MRPS27: variants seen among roughly 807,000 people sequenced by gnomAD.
The protein encoded by MRPS27 is small ribosomal subunit protein mS27.
MRPS27 carries 43 observed loss-of-function variants against 48.9 expected under a neutral mutation model. The ratio of observed to expected loss-of-function variants is 0.88; its 90% CI spans 0.69 to 1.13. The LOEUF is 1.13. Among genes scored for constraint, MRPS27 ranks in the 50% most tolerant of loss-of-function variants. The pLI is 0.00. For synonymous variants in MRPS27, 188 were observed against 171.9 expected (o/e 1.09, Z -0.73); for missense variants, 467 against 476.3 (o/e 0.98, Z 0.18).
At chr5:72,260,329 T>G (rs1052188999) in intron 4 of MRPS27, among the ~76,000 whole-genome samples, 2 of 152,242 alleles carry the variant, frequency 1.3e-5, no homozygotes, top group African/African-American at 4.8e-5. Flanking sequence ...CTGGAATTTA[T>G]TCTGATGAAG....
chr5:72,307,959 G>A (rs952149931), intron 2 of MRPS27: 1 of 152,280 alleles, frequency 6.6e-6, no homozygotes, highest in East Asian at 1.9e-4. Context: ...CACTGAGAAA[G>A]CTTTTTGGGC....
At chr5:72,221,186 G>C in intron 10 of MRPS27, 38 bp from the exon 11 acceptor site, 1 of 1,600,832 alleles carries the variant, frequency 6.2e-7, no homozygotes, top group Non-Finnish European at 8.5e-7. Context: ...AAGAAAGGTA[G>C]AGAAGTGAGA....
chr5:72,255,024 C>CTT (rs1279261279), intron 4 of MRPS27, among the ~76,000 whole-genome samples: 1 of 91,868 alleles, frequency 1.1e-5, no homozygotes, highest in Non-Finnish European at 2.3e-5. Context: ...TAACACATTT[C>CTT]TTTTCTTTTT....
At chr5:72,225,879 GC>G (rs906411421) in intron 9 of MRPS27, among the ~76,000 whole-genome samples, 177 bp downstream of exon 9, 9 of 150,634 alleles carry the variant, frequency 6.0e-5, no homozygotes, top group African/African-American at 2.2e-4. Flanking sequence ...ATTTTCTAGT[GC>G]CTTTGGTCAG....
At chr5:72,221,380 A>C (rs1401129953) in intron 10 of MRPS27, among the ~76,000 whole-genome samples, 2 of 152,208 alleles carry the variant, frequency 1.3e-5, no homozygotes, top group African/African-American at 4.8e-5. Flanking sequence ...CCTTTCATTC[A>C]GGTGCTGTTA....
chr5:72,222,465 A>C (rs1405473853), intron 10 of MRPS27: 1 of 152,208 alleles, frequency 6.6e-6, no homozygotes, highest in Non-Finnish European at 1.5e-5. Flanking sequence ...TAAAATTTTC[A>C]TAAAAATACA....
intron 8 of MRPS27, chr5:72,227,592 A>T (rs1370725445): frequency 6.6e-6 from 1 of 152,214 alleles, no homozygotes; most frequent in Non-Finnish European, 1.5e-5. Context: ...AATAACATAA[A>T]TTTAATAAAC....
chr5:72,272,279 G>A (rs1372702336), intron 4 of MRPS27, among the ~76,000 whole-genome samples: 1 of 152,194 alleles, frequency 6.6e-6, no homozygotes, highest in African/African-American at 2.4e-5. Flanking sequence ...TACTTGCAAG[G>A]TTGGCCCTTC....
At chr5:72,287,891 T>C (rs992532153) in intron 4 of MRPS27, among the ~76,000 whole-genome samples, 33 of 152,240 alleles carry the variant, frequency 2.2e-4, no homozygotes, top group African/African-American at 7.5e-4. Flanking sequence ...TATGCTCCAA[T>C]CATTCTACCC....
At chr5:72,237,078 G>T (rs1378896142) in intron 5 of MRPS27, among the ~76,000 whole-genome samples, 1 of 151,732 alleles carries the variant, frequency 6.6e-6, no homozygotes, top group Non-Finnish European at 1.5e-5. Context: ...GAACTCCTGG[G>T]CTCATGTGAT....
At chr5:72,274,091 C>T (rs535250113) in intron 4 of MRPS27, among the ~76,000 whole-genome samples, 4 of 152,228 alleles carry the variant, frequency 2.6e-5, no homozygotes, top group South Asian at 2.1e-4. Context: ...CAGTGGCTCA[C>T]GTCTATAATC....
chr5:72,261,526 A>C lies in MRPS27; in HGVS notation c.282-23398T>G, dbSNP rs189933072. ...CTATAGACTCACAGGAAAAAAAAAA[A>C]CAAAAACTGTTACTGTACTTGGATG... On this transcript the variant is annotated intron_variant, in intron 4 of 10. Transcript: ENST00000261413. 3.9e-3 allele frequency among the ~76,000 whole-genome samples: 595 copies of C among 152,124 alleles called. 1 individual carries two copies. Among genetic ancestry groups the C allele is most frequent in the African/African-American group, 0.013 (554 of 41,464 alleles).
intron 8 of MRPS27, among the ~76,000 whole-genome samples, chr5:72,226,520 A>G (rs1197090755): frequency 6.6e-6 from 1 of 152,164 alleles, no homozygotes; most frequent in Admixed American, 6.5e-5. Context: ...GCTCTAGGTA[A>G]GGATACTCTT....
intron 4 of MRPS27, among the ~76,000 whole-genome samples, chr5:72,289,583 G>A (rs527906612): frequency 5.2e-4 from 79 of 151,986 alleles, no homozygotes; most frequent in Admixed American, 8.5e-4. Flanking sequence ...CACCACACCC[G>A]GCTAATTTTT....
At chr5:72,315,055 C>T (rs908913596) in intron 1 of MRPS27, among the ~76,000 whole-genome samples, 10 of 152,156 alleles carry the variant, frequency 6.6e-5, no homozygotes, top group Non-Finnish European at 8.8e-5. Context: ...CAGTGTTTAA[C>T]AAACATGAGC....
At chr5:72,229,107 G>A (rs570707607) in intron 7 of MRPS27, 1 of 152,302 alleles carries the variant, frequency 6.6e-6, no homozygotes, top group Admixed American at 6.5e-5. Context: ...CTCCCCAGTG[G>A]GATCTGTGAT....
chr5:72,317,471 C>T (rs1222032495), intron 1 of MRPS27, among the ~76,000 whole-genome samples: 1 of 150,820 alleles, frequency 6.6e-6, no homozygotes, highest in African/African-American at 2.4e-5. Flanking sequence ...AGGCGGAGGC[C>T]TTCCAGGTTC....
chr5:72,275,042 G>A (rs527871786), intron 4 of MRPS27, among the ~76,000 whole-genome samples: 20 of 152,236 alleles, frequency 1.3e-4, no homozygotes, highest in East Asian at 1.9e-4. Flanking sequence ...AATCAGGCAC[G>A]AGAAAGAAAT....
chr5:72,292,991 A>T (rs1179375489), intron 4 of MRPS27, among the ~76,000 whole-genome samples: 1 of 152,212 alleles, frequency 6.6e-6, no homozygotes, highest in Non-Finnish European at 1.5e-5. Flanking sequence ...GATGTTAGGC[A>T]TCATAATGAT....
Sources: gnomAD v4.1 joint callset for allele counts (sites outside exome capture counted in the v4.1 genomes callset) on GRCh38, gnomAD v4.1.1 for gene constraint, MANE v1.5 for transcripts, NCBI Gene and HGNC (gene_info 2026-07-23, HGNC 2026-07-21) for gene names.